PARD3B: variants seen among roughly 807,000 people sequenced by gnomAD.
PARD3B encodes the protein partitioning defective 3 homolog B.
Under a neutral mutation model 130.2 loss-of-function variants are expected in PARD3B, and 103 were observed. That is an observed-to-expected ratio of 0.79 (90% CI 0.67 to 0.93). The LOEUF is 0.93. Ranked by LOEUF, PARD3B falls within the 40% of genes least tolerant of loss-of-function variation. The pLI is 0.00. For synonymous variants in PARD3B, 583 were observed against 553.2 expected, an observed-to-expected ratio of 1.05 and a Z score of -0.76; for missense variants, 1,609 against 1,499.2, an observed-to-expected ratio of 1.07 and a Z score of -1.21.
intron 18 of PARD3B, among the ~76,000 whole-genome samples, chr2:205,382,533 G>T (rs2045490854): frequency 6.6e-6 from 1 of 151,946 alleles, no homozygotes; most frequent in Non-Finnish European, 1.5e-5. Flanking sequence ...TTGAAACTAT[G>T]CAAATATCCT....
intron 2 of PARD3B, among the ~76,000 whole-genome samples, chr2:204,938,665 A>T (rs564798992): frequency 6.6e-6 from 1 of 152,248 alleles, no homozygotes; most frequent in African/African-American, 2.4e-5. Context: ...ATTTTAAAAC[A>T]TACCATTCCT....
intron 2 of PARD3B, among the ~76,000 whole-genome samples, chr2:204,739,234 T>C (rs1191865440): frequency 1.3e-5 from 2 of 152,182 alleles, no homozygotes; most frequent in African/African-American, 2.4e-5. Context: ...TACTCATTCA[T>C]TGGAATGTGT....
chr2:205,044,829 A>G (rs1698655601), intron 3 of PARD3B, among the ~76,000 whole-genome samples: 1 of 152,110 alleles, frequency 6.6e-6, no homozygotes, highest in African/African-American at 2.4e-5. Flanking sequence ...TCTCAGTTTA[A>G]GGTGGAACTC....
intron 16 of PARD3B, among the ~76,000 whole-genome samples, chr2:205,282,699 T>C (rs139730850): frequency 6.6e-6 from 1 of 152,208 alleles, no homozygotes; most frequent in African/African-American, 2.4e-5. Flanking sequence ...CTCAATTAGA[T>C]ATAGGTCCCA....
At chr2:205,294,236 C>G (rs1466861152) in intron 16 of PARD3B, among the ~76,000 whole-genome samples, 1 of 151,916 alleles carries the variant, frequency 6.6e-6, no homozygotes, top group Non-Finnish European at 1.5e-5. Context: ...TCCTCAGTTG[C>G]CCTACCAGAA....
At chr2:204,933,853 G>GTAT (rs1378154680) in intron 2 of PARD3B, among the ~76,000 whole-genome samples, 1 of 152,140 alleles carries the variant, frequency 6.6e-6, no homozygotes, top group African/African-American at 2.4e-5. Context: ...GTAATTTGCA[G>GTAT]TATTACCTTT....
chr2:204,979,206 A>C (rs1692458214), intron 3 of PARD3B, among the ~76,000 whole-genome samples: 1 of 132,068 alleles, frequency 7.6e-6, no homozygotes, highest in South Asian at 2.3e-4. Flanking sequence ...ACTCTGTCTC[A>C]AAAAAAAAAA....
At chr2:204,958,497 G>T (rs1225304493) in intron 2 of PARD3B, among the ~76,000 whole-genome samples, 2 of 152,126 alleles carry the variant, frequency 1.3e-5, no homozygotes, top group East Asian at 3.9e-4. Flanking sequence ...AGGAAAAACA[G>T]AAATTACCTA....
rs557552278 is a variant in PARD3B, at chr2:205,419,530, A to G, written c.2741+18407A>G. 1.7e-4 allele frequency among the ~76,000 whole-genome samples: 26 copies of G among 152,316 alleles called. 1 individual carries two copies. In the South Asian group the frequency reaches 5.4e-3, roughly 32 times the overall value. ...AAAACTGAAGAGGCCAACTAGGGTG[A>G]CCAAAGGTCAGTTTTCCCCCATCTA... On this transcript the variant is annotated intron_variant, in intron 19 of 22. Transcript: ENST00000406610.
intron 15 of PARD3B, among the ~76,000 whole-genome samples, chr2:205,238,715 C>A (rs1183548919): frequency 6.7e-6 from 1 of 149,460 alleles, no homozygotes; most frequent in East Asian, 2.0e-4. Flanking sequence ...GCTTGTAATC[C>A]CAGATACTTG....
intron 3 of PARD3B, among the ~76,000 whole-genome samples, chr2:204,984,305 C>G (rs2125219938): frequency 1.3e-5 from 2 of 152,102 alleles, no homozygotes; most frequent in East Asian, 3.9e-4. Flanking sequence ...TCAGTTGAGA[C>G]TAATCAAAAT....
intron 1 of PARD3B, among the ~76,000 whole-genome samples, chr2:204,547,768 T>G (rs1369689022): frequency 6.6e-6 from 1 of 152,156 alleles, no homozygotes; most frequent in Non-Finnish European, 1.5e-5. Context: ...GCTATCCAAG[T>G]AAGAGATAAA....
chr2:205,211,241 C>T (rs1406002062), intron 15 of PARD3B, among the ~76,000 whole-genome samples: 10 of 152,064 alleles, frequency 6.6e-5, no homozygotes, highest in African/African-American at 2.4e-4. Flanking sequence ...TCACCATAAA[C>T]ACCTACTCTG....
At chr2:205,120,382 G>T (rs2030545203) in intron 7 of PARD3B, among the ~76,000 whole-genome samples, 1 of 152,050 alleles carries the variant, frequency 6.6e-6, no homozygotes. Flanking sequence ...GTGGAGTTAG[G>T]CCTATGTGAA....
chr2:204,677,735 C>T lies in PARD3B; in HGVS notation c.121-8446C>T, dbSNP rs754011578. 7.9e-5 allele frequency among the ~76,000 whole-genome samples: 12 copies of T among 152,124 alleles called. No homozygotes were observed. Among genetic ancestry groups the T allele is most frequent in the Non-Finnish European group, 1.3e-4 (9 of 68,006 alleles). On this transcript the variant is annotated intron_variant, in intron 1 of 22. Coordinates refer to ENST00000406610, the MANE Select transcript of PARD3B (RefSeq NM_001302769.2). This position sits in a 1 kb window ranked among gnomAD's most constrained non-coding sequence, Gnocchi z 4.1. ...CTCATCACTGTTGACTTGTTAAAGC[C>T]TGTGGTCAACTAAGCATCTCCTGGG...
intron 4 of PARD3B, among the ~76,000 whole-genome samples, chr2:205,054,173 C>G (rs745835802): frequency 2.9e-4 from 44 of 151,706 alleles, no homozygotes; most frequent in Non-Finnish European, 4.4e-4. Context: ...GCCCAGTTTA[C>G]TCTGCAGCAG....
In PARD3B at chr2:204,916,407, G is replaced by C. The variant is rs148764287; in HGVS notation, c.223-48745G>C. On this transcript the variant is annotated intron_variant, in intron 2 of 22. Transcript: ENST00000406610. ...TTTGTGTTGTATTAACAAAATAGTA[G>C]ATTCTCTGAAATTGTTTAATGTTTT... 2.6e-4 allele frequency among the ~76,000 whole-genome samples: 39 copies of C among 151,024 alleles called. No homozygotes were observed. The South Asian group carries it at 6.9e-3, about 27-fold the overall frequency.
chr2:204,889,335 C>T (rs1195670953), intron 2 of PARD3B, among the ~76,000 whole-genome samples: 1 of 152,058 alleles, frequency 6.6e-6, no homozygotes, highest in Non-Finnish European at 1.5e-5. Flanking sequence ...TAGAGAATGC[C>T]CTGTGATAGA....
intron 3 of PARD3B, among the ~76,000 whole-genome samples, chr2:205,028,655 A>G (rs1256752366): frequency 6.6e-6 from 1 of 152,140 alleles, no homozygotes; most frequent in African/African-American, 2.4e-5. Context: ...CTTCTATTCA[A>G]CATAGTCCCA....
Sources: allele counts gnomAD v4.1 joint callset (sites outside exome capture counted in the v4.1 genomes callset), GRCh38; gene constraint gnomAD v4.1.1; non-coding constraint Gnocchi (gnomAD v3.1); transcripts MANE v1.5; gene names NCBI Gene and HGNC (gene_info 2026-07-23, HGNC 2026-07-21).